The following PPM1L variants were observed in gnomAD, a reference collection of about 807,000 sequenced individuals.
PPM1L encodes the protein protein phosphatase 1L.
PPM1L carries 13 observed loss-of-function variants against 31.4 expected under a neutral mutation model. That is an observed-to-expected ratio of 0.41 (90% CI 0.27 to 0.66). The LOEUF (loss-of-function observed/expected upper bound fraction) is 0.66, where lower values mean the gene tolerates loss of function less well. Among genes scored for constraint, PPM1L ranks in the 30% least tolerant of loss-of-function variants. PPM1L has a pLI of 0.29. For synonymous variants in PPM1L, 184 were observed against 175.4 expected (o/e 1.05, Z -0.39); for missense variants, 326 against 453.7 (o/e 0.72, Z 2.56).
At chr3:160,850,387 C>T (rs963571359) in intron 1 of PPM1L, among the ~76,000 whole-genome samples, 2 of 152,148 alleles carry the variant, frequency 1.3e-5, no homozygotes, top group Admixed American at 6.5e-5. Context: ...CTAGCACCTC[C>T]ATGTGTTAGG....
intron 2 of PPM1L, among the ~76,000 whole-genome samples, chr3:161,029,345 A>G (rs1718496450): frequency 6.6e-6 from 1 of 152,232 alleles, no homozygotes; most frequent in Non-Finnish European, 1.5e-5. Flanking sequence ...AACTGGAGCT[A>G]AGATTTGAAA....
chr3:160,801,219 A>G (rs1712416396), intron 1 of PPM1L, among the ~76,000 whole-genome samples: 1 of 151,820 alleles, frequency 6.6e-6, no homozygotes, highest in Non-Finnish European at 1.5e-5. Context: ...GATATTTTTC[A>G]TGTTTTTTGC....
At chr3:160,939,868 A>G (rs1435572082) in intron 1 of PPM1L, 1 of 157,628 alleles carries the variant, frequency 6.3e-6, no homozygotes. Context: ...GGAACCGAGT[A>G]ACAGGCACAG....
intron 3 of PPM1L, among the ~76,000 whole-genome samples, chr3:161,067,141 C>T: frequency 6.6e-6 from 1 of 152,202 alleles, no homozygotes; most frequent in East Asian, 1.9e-4. Context: ...AGGATGTGTA[C>T]ACAATACACC....
chr3:160,964,525 G>A (rs1454807956), intron 2 of PPM1L, among the ~76,000 whole-genome samples: 1 of 152,048 alleles, frequency 6.6e-6, no homozygotes, highest in Non-Finnish European at 1.5e-5. Flanking sequence ...TCTCAGGGGT[G>A]TCAGAGACAG....
intron 1 of PPM1L, among the ~76,000 whole-genome samples, chr3:160,958,586 G>A (rs907471701): frequency 6.6e-6 from 1 of 152,154 alleles, no homozygotes; most frequent in African/African-American, 2.4e-5. Flanking sequence ...GGGAAAAAAT[G>A]TTATTAAATT....
intron 1 of PPM1L, among the ~76,000 whole-genome samples, chr3:160,873,540 AATTATTATT>A (rs60234661): frequency 6.6e-6 from 1 of 150,650 alleles, no homozygotes; most frequent in South Asian, 2.1e-4. Context: ...GCTCTAGTAG[AATTATTATT>A]ATTATTATTA....
intron 1 of PPM1L, among the ~76,000 whole-genome samples, chr3:160,907,151 A>G (rs1012590857): frequency 2.6e-5 from 4 of 152,222 alleles, no homozygotes; most frequent in African/African-American, 7.2e-5. Context: ...TTAAAGCAAC[A>G]AAAGCAGAGC....
chr3:161,054,582 A>G (rs543619011), intron 2 of PPM1L, among the ~76,000 whole-genome samples: 1 of 152,126 alleles, frequency 6.6e-6, no homozygotes, highest in African/African-American at 2.4e-5. Context: ...TTTGCACACA[A>G]AAAATTAAAC....
intron 1 of PPM1L, among the ~76,000 whole-genome samples, chr3:160,919,785 G>A (rs924262360): frequency 6.6e-6 from 1 of 152,170 alleles, no homozygotes; most frequent in Non-Finnish European, 1.5e-5. Context: ...GCTTATTTCT[G>A]TTTTGCATTA....
chr3:160,943,024 A>C (rs1241878796), intron 1 of PPM1L, among the ~76,000 whole-genome samples: 2 of 152,186 alleles, frequency 1.3e-5, no homozygotes, highest in Non-Finnish European at 1.5e-5. Context: ...CTGAGGAGTA[A>C]AAAACAATCA....
intron 1 of PPM1L, among the ~76,000 whole-genome samples, chr3:160,815,916 G>A (rs1477844904): frequency 6.6e-6 from 1 of 152,094 alleles, no homozygotes; most frequent in Non-Finnish European, 1.5e-5. Flanking sequence ...TTTTTCCCTA[G>A]GAAGGATTGG....
At position 160,842,244 on chromosome 3, in the gene PPM1L, G is replaced by A. The variant is rs780601689; in HGVS notation, c.399+85537G>A. On this transcript the variant is annotated intron_variant, in intron 1 of 3. Coordinates refer to ENST00000498165, the MANE Select transcript of PPM1L (RefSeq NM_139245.4). ...GTGGAAGAGGGTAGGAGGGATGCTG[G>A]TGCCATTAGCAGAGAGGGCTAGACC... 2.4e-5 allele frequency: 17 copies of A among 702,334 alleles called. No individual in the cohort carries two copies. In the South Asian group the frequency reaches 2.5e-4, roughly 10 times the overall value. The allele number at this position is 702,334 out of a possible 1,614,324, so 43.5% of individuals were successfully genotyped here. A position where few individuals can be genotyped will look rare whatever the true frequency, so the allele number is the denominator to read the frequency against.
chr3:160,834,471 ATG>A (rs150328470), intron 1 of PPM1L, among the ~76,000 whole-genome samples: 4,626 of 138,830 alleles, frequency 0.033, 69 homozygotes, highest in South Asian at 0.07. Flanking sequence ...GTGTATGTGT[ATG>A]TGTGTGTGTG....
At chr3:160,905,203 T>C (rs1207560341) in intron 1 of PPM1L, among the ~76,000 whole-genome samples, 2 of 152,208 alleles carry the variant, frequency 1.3e-5, no homozygotes, top group African/African-American at 4.8e-5. Context: ...TATTTTTGCA[T>C]TTCCCTACCA....
chr3:160,978,156 AG>A (rs1274468100), intron 2 of PPM1L, among the ~76,000 whole-genome samples: 1 of 152,204 alleles, frequency 6.6e-6, no homozygotes, highest in Non-Finnish European at 1.5e-5. Context: ...GTACCTTCTA[AG>A]GTAGCTTGTG....
intron 1 of PPM1L, among the ~76,000 whole-genome samples, chr3:160,931,993 T>A (rs905123143): frequency 1.5e-5 from 1 of 67,180 alleles, no homozygotes; most frequent in Non-Finnish European, 6.5e-5. Flanking sequence ...CATTCTTTTG[T>A]TTTTTTGCTC....
At position 161,031,497 on chromosome 3, in the gene PPM1L, C is replaced by T. The variant is rs928144473; in HGVS notation, c.575-33906C>T. 4.6e-3 allele frequency among the ~76,000 whole-genome samples: 316 copies of T among 69,142 alleles called. 2 individuals carry two copies. The highest frequency in any genetic ancestry group is 0.023 in the African/African-American group (284 of 12,284). The allele number at this position is 69,142 out of a possible 152,430, so 45.4% of individuals were successfully genotyped here. A position where few individuals can be genotyped will look rare whatever the true frequency, so the allele number is the denominator to read the frequency against. ...GACTTGTGAATGGCAGCTATGTATT[C>T]TGTCCTTTTTTTTTTTTTTTTGAGA... is the stretch of plus-strand genomic sequence containing the variant. On this transcript the variant is annotated intron_variant, in intron 2 of 3. Coordinates refer to ENST00000498165, the MANE Select transcript of PPM1L (RefSeq NM_139245.4).
chr3:160,792,850 C>T (rs1712142630), intron 1 of PPM1L, among the ~76,000 whole-genome samples: 1 of 152,182 alleles, frequency 6.6e-6, no homozygotes. Context: ...CAGGAAGGGT[C>T]ACAAATGAGG....
Sources: gnomAD v4.1 joint callset for allele counts (sites outside exome capture counted in the v4.1 genomes callset) on GRCh38, gnomAD v4.1.1 for gene constraint, MANE v1.5 for transcripts, NCBI Gene and HGNC (gene_info 2026-07-23, HGNC 2026-07-21) for gene names.